SEC31B: variants seen among roughly 807,000 people sequenced by gnomAD.
SEC31B encodes the protein protein transport protein Sec31B.
SEC31B carries 113 observed loss-of-function variants against 135.0 expected under a neutral mutation model. That is an observed-to-expected ratio of 0.84 (90% CI 0.72 to 0.98). SEC31B has a LOEUF of 0.98. Ranked by LOEUF, SEC31B falls within the 50% of genes least tolerant of loss-of-function variation. SEC31B has a pLI of 0.00. For synonymous variants in SEC31B, 508 were observed against 549.4 expected (o/e 0.92, Z 1.05); for missense variants, 1,296 against 1,421.1 (o/e 0.91, Z 1.42).
At position 100,497,635 on chromosome 10, in the gene SEC31B, C is replaced by A. The variant is rs532982637; in HGVS notation, c.1990+32G>T. 4.3e-6 allele frequency: 7 copies of A among 1,614,056 alleles called. No homozygotes were observed. In the South Asian group the frequency reaches 7.7e-5, roughly 18 times the overall value. Reference sequence around the variant, plus strand: ...CTTTGACTCCATGCTGGAGTCACACCATTTCATCCTGAAGCCTGGGACCAC... The same window carrying A: ...CTTTGACTCCATGCTGGAGTCACACAATTTCATCCTGAAGCCTGGGACCAC... On this transcript the variant is annotated intron_variant, in intron 16 of 25. Transcript: ENST00000370345.
intron 1 of SEC31B, among the ~76,000 whole-genome samples, chr10:100,518,629 T>C (rs1019417388): frequency 1.1e-4 from 16 of 152,220 alleles, no homozygotes; most frequent in Non-Finnish European, 1.5e-5. Context: ...AATTCCAATG[T>C]ATATTCAAGG....
Position 100,506,328 on chromosome 10 carries a change from C to G in SEC31B, c.875G>C (p.Ser292Thr). ...ACAGAAGGGCCAGCCTACCTCACTG[C>G]TCCCCAGGTTCCGGCACAAGATCTG... Reference protein sequence around the residue: ...DSQILCRNLGSSEVVYKLPTQ... With the variant: ...DSQILCRNLGTSEVVYKLPTQ... The change falls in exon 8 of 26, where the codon AGC (serine) becomes ACC (threonine). Residue 292 changes from serine (S) to threonine (T), a missense_variant. Coordinates refer to ENST00000370345, the MANE Select transcript of SEC31B (RefSeq NM_015490.4). 6.2e-7 allele frequency: 1 copy of G among 1,614,164 alleles called. No homozygotes were observed. Among genetic ancestry groups the G allele is most frequent in the Non-Finnish European group, 8.5e-7 (1 of 1,180,016 alleles).
chr10:100,499,702 T>C (rs1564650664), intron 11 of SEC31B, 104 bp from the exon 12 acceptor site: 1 of 797,888 alleles, frequency 1.3e-6, no homozygotes, highest in Non-Finnish European at 2.0e-6. Context: ...ATATAGTTCT[T>C]TGTACTACTA....
intron 1 of SEC31B, among the ~76,000 whole-genome samples, chr10:100,517,788 GT>G (rs894181320): frequency 6.6e-6 from 1 of 151,954 alleles, no homozygotes; most frequent in African/African-American, 2.4e-5. Context: ...TCTTCCTCCA[GT>G]TTTTTTCATC....
In SEC31B at chr10:100,490,309, T is replaced by C. The variant is rs1425907055; in HGVS notation, c.2664A>G (p.Pro888=). Residue 888 remains proline, a synonymous_variant, in exon 21 of 26, where the codon CCA becomes CCG. Transcript: ENST00000370345. ...SPGVRPASSQ[P]QLLGGQRVQV... ...GCACCCTTTGCCCTCCTAATAGCTG[T>C]GGCTGAGATGAAGCTGAAGCAGAAC... The C allele has an allele frequency of 4.3e-6, 7 of 1,612,986 alleles. No individual in the cohort carries two copies. In the Admixed American group the frequency reaches 1.2e-4, roughly 27 times the overall value.
Position 100,489,339 on chromosome 10 carries a change from AG to A in SEC31B, c.3083del (p.Pro1028LeufsTer16), listed in dbSNP as rs1851254058. 6.2e-7 allele frequency: 1 copy of A among 1,613,954 alleles called. No homozygotes were observed. Among genetic ancestry groups the A allele is most frequent in the Non-Finnish European group, 8.5e-7 (1 of 1,179,984 alleles). Reference protein sequence around the residue: ...PITAPVMSLTPELQGILPSQP... With the variant: ...PITAPVMSLTXELQGILPSQP... Reference sequence around the variant, plus strand: ...GTGAGGGAAGAATCCCTTGTAGCTCAGGGGTGAGGCTCATAACTGGAGCAGT... The same window carrying A: ...GTGAGGGAAGAATCCCTTGTAGCTCAGGGTGAGGCTCATAACTGGAGCAGT... On this transcript the variant is annotated frameshift_variant, in exon 23 of 26. Coordinates refer to ENST00000370345, the MANE Select transcript of SEC31B (RefSeq NM_015490.4). LOFTEE classifies it high-confidence loss of function.
chr10:100,494,684 G>A (rs1851369176), intron 19 of SEC31B, among the ~76,000 whole-genome samples: 1 of 152,164 alleles, frequency 6.6e-6, no homozygotes, highest in Non-Finnish European at 1.5e-5. Context: ...TTGAAACTCT[G>A]ATCAAACATC....
At position 100,507,563 on chromosome 10, in the gene SEC31B, T is replaced by C; in HGVS notation, c.644A>G (p.His215Arg). ...AGGATGCCAGGCCAGGCCTGAGCAG[T>C]GCATCTGTGAACAAAGCAGATCCCA... ...IKVSDHSNRMHCSGLAWHPDI... is the reference protein window; with the variant it reads ...IKVSDHSNRMRCSGLAWHPDI... Residue 215 changes from histidine to arginine, a missense_variant, in exon 7 of 26, where the codon CAC becomes CGC. By Grantham distance (29) the His-to-Arg change is conservative (BLOSUM62 0). Coordinates refer to ENST00000370345, the MANE Select transcript of SEC31B (RefSeq NM_015490.4). 1 of 1,614,208 alleles carries C rather than the reference T, an allele frequency of 6.2e-7. No homozygotes were observed. The highest frequency in any genetic ancestry group is 8.5e-7 in the Non-Finnish European group (1 of 1,180,026).
At chr10:100,505,884 T>C (rs1851619978) in intron 9 of SEC31B, 156 bp downstream of exon 9, 4 of 1,505,114 alleles carry the variant, frequency 2.7e-6, no homozygotes, top group East Asian at 4.5e-5. Context: ...TAACATCCTT[T>C]CAGGAAGATG....
rs556553496 is a variant in SEC31B at position 100,489,148 on chromosome 10, C to A, written c.3171+104G>T. 4.8e-6 allele frequency: 7 copies of A among 1,452,972 alleles called. 1 individual carries two copies. The South Asian group carries it at 1.0e-4, about 21-fold the overall frequency. 90.0% of individuals were successfully genotyped at this position (1,452,972 alleles called of 1,614,324 possible). ...AGGACACCTGGTACCTGCCCCCAGT[C>A]TCCCTCAGCACATGCCTTGAGGAAT... On this transcript the variant is annotated intron_variant, in intron 23 of 25. Transcript: ENST00000370345.
rs372431383 is a variant in SEC31B at position 100,487,715 on chromosome 10, C to T, written c.3441G>A (p.Val1147=). The T allele has an allele frequency of 4.8e-5, 78 of 1,613,826 alleles. No homozygotes were observed. Among genetic ancestry groups the T allele is most frequent in the Non-Finnish European group, 6.0e-5 (71 of 1,179,948 alleles). ...DAGSFEQGLA[V]HAQVAGCSSF... ...TGCTACAGCCCGCCACCTGGGCATG[C>T]ACTGCAAGGCCCTGCTCAAAGCTTC... The change falls in exon 26 of 26, where the codon GTG becomes GTA. Residue 1147 remains valine (V), a synonymous_variant. Transcript: ENST00000370345.
intron 10 of SEC31B, among the ~76,000 whole-genome samples, chr10:100,504,438 G>A (rs2133688218): frequency 6.6e-6 from 1 of 152,292 alleles, no homozygotes; most frequent in African/African-American, 2.4e-5. Flanking sequence ...GACATCAACT[G>A]GGAGCCTGCT....
At position 100,509,112 on chromosome 10, in the gene SEC31B, TAA is replaced by T; in HGVS notation, c.400-12_400-11del. ...AAGCCAGGAGGTTGCCCTGTATGAA[TAA>T]AAAGTGTTTGGAGACATACCACCCT... On this transcript the variant is annotated splice_polypyrimidine_tract_variant and intron_variant, in intron 4 of 25. Transcript: ENST00000370345. 6.2e-7 allele frequency: 1 copy of T among 1,612,576 alleles called. No homozygotes were observed. Among genetic ancestry groups the T allele is most frequent in the African/African-American group, 1.3e-5 (1 of 74,936 alleles).
At chr10:100,508,430 CA>C in intron 5 of SEC31B, 1 of 481,962 alleles carries the variant, frequency 2.1e-6, no homozygotes, top group South Asian at 1.5e-5. Context: ...AGAAAAACCA[CA>C]AGATGCTATC....
At chr10:100,511,963 A>G (rs747436539) in intron 3 of SEC31B, among the ~76,000 whole-genome samples, 1 of 152,252 alleles carries the variant, frequency 6.6e-6, no homozygotes, top group Non-Finnish European at 1.5e-5. Flanking sequence ...CCAAGAGGAC[A>G]GCAAGTAGCA....
At position 100,496,304 on chromosome 10, in the gene SEC31B, C is replaced by T; in HGVS notation, c.2264G>A (p.Gly755Asp). The T allele has an allele frequency of 6.2e-7, 1 of 1,614,212 alleles. No individual in the cohort carries two copies. Among genetic ancestry groups the T allele is most frequent in the Non-Finnish European group, 8.5e-7 (1 of 1,180,028 alleles). ...AAAGCTCATGGCAGTGGCCAGGCTG[C>T]CCTGGGCTGCCAGGAGGTTGGCATA... ...TQYANLLAAQ[G>D]SLATAMSFLP... is the part of the protein sequence containing the mutation. The change falls in exon 18 of 26, where the codon GGC becomes GAC. Residue 755 changes from glycine to aspartate, a missense_variant. By Grantham distance (94) the Gly-to-Asp change is moderately conservative. Coordinates refer to ENST00000370345, the MANE Select transcript of SEC31B (RefSeq NM_015490.4).
rs1248910599 is a variant in SEC31B, at chr10:100,505,962, C to T, written c.1044+78G>A. 5 of 1,593,356 alleles carry T rather than the reference C, an allele frequency of 3.1e-6. No individual in the cohort carries two copies. In the South Asian group the frequency reaches 5.6e-5, roughly 18 times the overall value. On this transcript the variant is annotated intron_variant, in intron 9 of 25. Transcript: ENST00000370345. ...GGTCTCCCAATCTCCAATATCTCCG[C>T]TTCTCAAGCCATATGTCTCTCTCCC...
At chr10:100,507,006 C>T (rs903846066) in intron 7 of SEC31B, among the ~76,000 whole-genome samples, 1 of 152,096 alleles carries the variant, frequency 6.6e-6, no homozygotes, top group African/African-American at 2.4e-5. Context: ...GCACCATGGC[C>T]CTTTGGTTAG....
intron 18 of SEC31B, 117 bp from the exon 19 acceptor site, chr10:100,495,663 T>C: frequency 9.5e-7 from 1 of 1,052,104 alleles, no homozygotes; most frequent in South Asian, 1.4e-5. Flanking sequence ...TGTTATTTTG[T>C]TGTTGTTGTT....
Sources: gnomAD v4.1 joint callset for allele counts (sites outside exome capture counted in the v4.1 genomes callset) on GRCh38, gnomAD v4.1.1 for gene constraint, MANE v1.5 for transcripts, NCBI Gene and HGNC (gene_info 2026-07-23, HGNC 2026-07-21) for gene names.